Variants in CUL4B observed in about 807,000 individuals in gnomAD.
CUL4B encodes the protein cullin-4B.
CUL4B carries 1 observed loss-of-function variant against 69.2 expected under a neutral mutation model. That is an observed-to-expected ratio of 0.01 (90% CI 0.01 to 0.07). The LOEUF is 0.07. CUL4B is among the 10% of genes least tolerant of loss of function. CUL4B has a pLI of 1.00. For missense variants in CUL4B, 328 were observed against 638.8 expected, an observed-to-expected ratio of 0.51 and a Z score of 5.24; for synonymous variants, 237 against 223.2, an observed-to-expected ratio of 1.06 and a Z score of -0.55.
At chrX:120,574,016 G>A (rs1297182200) in intron 2 of CUL4B, among the ~76,000 whole-genome samples, 1 of 109,296 alleles carries the variant, frequency 9.1e-6, no homozygotes, top group African/African-American at 3.3e-5. Context: ...TAGTAGAGAC[G>A]GGGTTTCACA....
intron 2 of CUL4B, among the ~76,000 whole-genome samples, chrX:120,550,038 A>G (rs932640491): frequency 9.0e-6 from 1 of 111,615 alleles, no homozygotes; most frequent in Non-Finnish European, 1.9e-5. Context: ...CTCACACAAG[A>G]TACCATATTC....
At chrX:120,570,807 C>A (rs1295119409), downstream of CUL4B, among the ~76,000 whole-genome samples, 2 of 111,824 alleles carry the variant, frequency 1.8e-5, no homozygotes, top group South Asian at 7.4e-4. Context: ...CACAAATCAC[C>A]AAATAATACC....
upstream of CUL4B, among the ~76,000 whole-genome samples, chrX:120,561,778 CAT>C (rs1224876457): frequency 9.0e-6 from 1 of 110,726 alleles, no homozygotes; most frequent in Non-Finnish European, 1.9e-5. Context: ...TAGAGGAAAA[CAT>C]AATCATGCCA....
rs746854249 is a variant in CUL4B at position 120,543,041 on chromosome X, G to GA, written c.1257-9dup. ...GTAGCAATTAATGACTTCCTACAAG[G>GA]AAAAAAAAAAAGGTTAGTATTATTG... is the stretch of plus-strand genomic sequence containing the variant. On this transcript the variant is annotated splice_polypyrimidine_tract_variant and intron_variant, in intron 8 of 19. Coordinates refer to ENST00000371322, the MANE Select transcript of CUL4B (RefSeq NM_001079872.2). The GA allele has an allele frequency of 0.019, 15,539 of 810,444 alleles. No homozygotes were observed. Among genetic ancestry groups the GA allele is most frequent in the Non-Finnish European group, 0.022 (12,948 of 600,986 alleles). 66.8% of individuals were successfully genotyped at this position (810,444 alleles called of 1,213,427 possible). A position where few individuals can be genotyped will look rare whatever the true frequency, so the allele number is the denominator to read the frequency against.
chrX:120,543,376 C>T (rs1182415526), intron 8 of CUL4B, among the ~76,000 whole-genome samples: 6 of 110,691 alleles, frequency 5.4e-5, no homozygotes, highest in Non-Finnish European at 9.5e-5. Context: ...AGAGGCCCCT[C>T]GACTGGCAAT....
intron 1 of CUL4B, 60 bp from the exon 2 acceptor site, chrX:120,558,099 T>A: frequency 1.5e-6 from 1 of 675,148 alleles, no homozygotes; most frequent in South Asian, 2.3e-5. Flanking sequence ...AACCAAAGAT[T>A]CATAAAATAT....
At chrX:120,541,329 G>A (rs1181795436) in intron 10 of CUL4B, among the ~76,000 whole-genome samples, 3 of 111,503 alleles carry the variant, frequency 2.7e-5, no homozygotes, top group African/African-American at 6.5e-5. Context: ...GTGAAACCCC[G>A]TCTCTACTAA....
chrX:120,524,289 T>C lies in CUL4B; in HGVS notation c.*2472A>G, dbSNP rs959894778. ...AGTAATCTTTTCTTCTCCCCTGAAC[T>C]CAAATCTAGACTCATTTCATATTGA... is the stretch of plus-strand genomic sequence containing the variant. On this transcript the variant is annotated 3_prime_UTR_variant, in exon 20 of 20. Transcript: ENST00000371322. Among the ~76,000 whole-genome samples, 5 of 111,707 alleles carry C rather than the reference T, an allele frequency of 4.5e-5. No individual in the cohort carries two copies. The highest frequency in any genetic ancestry group is 9.4e-5 in the Non-Finnish European group (5 of 53,080).
At chrX:120,561,341 C>T (rs1333232409), upstream of CUL4B, 1 of 562,333 alleles carries the variant, frequency 1.8e-6, no homozygotes, top group Non-Finnish European at 3.3e-6. Flanking sequence ...TTAACGGTCC[C>T]GCGGGAAGCT....
chrX:120,559,312 T>A (rs1925150494), intron 1 of CUL4B, among the ~76,000 whole-genome samples: 1 of 112,451 alleles, frequency 8.9e-6, no homozygotes. Context: ...AATACATTTT[T>A]AAAAATTGCT....
At chrX:120,543,592 G>A in intron 8 of CUL4B, 135 bp downstream of exon 8, 3 of 496,628 alleles carry the variant, frequency 6.0e-6, no homozygotes, top group Non-Finnish European at 1.1e-5. Flanking sequence ...ATAACTTGAA[G>A]TTTGTATTAT....
chrX:120,547,053 A>T, intron 3 of CUL4B, 83 bp downstream of exon 3: 1 of 621,455 alleles, frequency 1.6e-6, no homozygotes, highest in Non-Finnish European at 2.7e-6. Flanking sequence ...CAGGCATTCT[A>T]CTTCAAGCTG....
upstream of CUL4B, among the ~76,000 whole-genome samples, chrX:120,564,266 A>G (rs997798137): frequency 8.9e-6 from 1 of 112,220 alleles, no homozygotes; most frequent in Non-Finnish European, 1.9e-5. Context: ...ACACTGCTGC[A>G]CTCCAGCCTG....
At position 120,543,801 on chromosome X, in the gene CUL4B, T is replaced by C. The variant is rs1176785264; in HGVS notation, c.1182A>G (p.Glu394=). Residue 394 remains glutamate (E), a synonymous_variant, in exon 8 of 20, where the codon GAA becomes GAG. Coordinates refer to ENST00000371322, the MANE Select transcript of CUL4B (RefSeq NM_001079872.2). ...QKLMQEREVP[E]YLHHVNKRLE... ...GACGTTTGTTAACATGATGTAGATA[T>C]TCAGGAACCTACAAAGATAGTTTTT... 6.0e-6 allele frequency: 7 copies of C among 1,170,148 alleles called. No homozygotes were observed. In the African/African-American group the frequency reaches 7.1e-5, roughly 12 times the overall value.
intron 15 of CUL4B, among the ~76,000 whole-genome samples, chrX:120,536,206 C>T (rs1401446486): frequency 8.8e-6 from 1 of 113,046 alleles, no homozygotes; most frequent in Non-Finnish European, 1.9e-5. Flanking sequence ...TGTGCCTCTG[C>T]ACTATGCTGC....
At chrX:120,535,749 G>T in intron 16 of CUL4B, 81 bp downstream of exon 16, 1 of 487,462 alleles carries the variant, frequency 2.1e-6, no homozygotes, top group Non-Finnish European at 3.6e-6. Context: ...AAAAACAATA[G>T]CCTAAACTTT....
chrX:120,566,371 A>ATATATATATATATATATATG (rs1275779479), upstream of CUL4B, among the ~76,000 whole-genome samples: 16 of 60,029 alleles, frequency 2.7e-4, no homozygotes, highest in African/African-American at 6.9e-4. Context: ...ATATATATAT[A>ATATATATATATATATATATG]TATATATATA....
intron 18 of CUL4B, among the ~76,000 whole-genome samples, chrX:120,530,871 C>CA (rs1225599897): frequency 9.0e-6 from 1 of 111,597 alleles, no homozygotes; most frequent in Non-Finnish European, 1.9e-5. Flanking sequence ...GTAATTAAAC[C>CA]AAAAAAACAG....
In CUL4B at chrX:120,526,691, A is replaced by G; in HGVS notation, c.*70T>C. 1.5e-6 allele frequency: 1 copy of G among 681,863 alleles called. No individual in the cohort carries two copies. Among genetic ancestry groups the G allele is most frequent in the Non-Finnish European group, 2.3e-6 (1 of 426,028 alleles). 56.2% of individuals were successfully genotyped at this position (681,863 alleles called of 1,213,427 possible). A position where few individuals can be genotyped will look rare whatever the true frequency, so the allele number is the denominator to read the frequency against. On this transcript the variant is annotated 3_prime_UTR_variant, in exon 20 of 20. Coordinates refer to ENST00000371322, the MANE Select transcript of CUL4B (RefSeq NM_001079872.2). ...TCGGTAGTAAAAAAGGAGTCAAATA[A>G]TATTGAATCAACAGGTTAGTTTATC...
Sources: allele counts gnomAD v4.1 joint callset (sites outside exome capture counted in the v4.1 genomes callset), GRCh38; gene constraint gnomAD v4.1.1; transcripts MANE v1.5; gene names NCBI Gene and HGNC (gene_info 2026-07-23, HGNC 2026-07-21).